The following MBD5 variants were observed in gnomAD, a reference collection of about 807,000 sequenced individuals.
MBD5 encodes the protein methyl-CpG binding domain protein 5.
MBD5 carries 13 observed loss-of-function variants against 117.3 expected under a neutral mutation model. The ratio of observed to expected loss-of-function variants is 0.11; its 90% confidence interval spans 0.07 to 0.18. The LOEUF (loss-of-function observed/expected upper bound fraction) is 0.18. Ranked by LOEUF, MBD5 falls within the 10% of genes least tolerant of loss-of-function variation. MBD5 has a pLI of 1.00. For synonymous variants in MBD5, 727 were observed against 766.4 expected (o/e 0.95, Z 0.85); for missense variants, 1,879 against 2,093.8 (o/e 0.90, Z 2.00).
intron 2 of MBD5, among the ~76,000 whole-genome samples, chr2:148,195,575 A>G (rs1698963091): frequency 6.6e-6 from 1 of 152,206 alleles, no homozygotes; most frequent in Non-Finnish European, 1.5e-5. Flanking sequence ...TTTGTAGAAC[A>G]TATGCCTAAT....
chr2:148,406,684 C>G (rs1399484391), intron 4 of MBD5, among the ~76,000 whole-genome samples: 1 of 152,226 alleles, frequency 6.6e-6, no homozygotes, highest in Non-Finnish European at 1.5e-5. Context: ...CCACTTTCCT[C>G]ATTACACTCA....
intron 4 of MBD5, among the ~76,000 whole-genome samples, chr2:148,357,186 T>A (rs1559037994): frequency 6.6e-6 from 1 of 152,206 alleles, no homozygotes; most frequent in Non-Finnish European, 1.5e-5. Context: ...TGTTTAAAAT[T>A]GACATTTTGT....
chr2:148,241,243 G>A (rs1411278294), intron 3 of MBD5, among the ~76,000 whole-genome samples: 2 of 152,030 alleles, frequency 1.3e-5, no homozygotes, highest in African/African-American at 4.8e-5. Flanking sequence ...TTTATCTAGT[G>A]AAGGCTTGGT....
intron 4 of MBD5, among the ~76,000 whole-genome samples, chr2:148,411,866 CT>C (rs1437958634): frequency 6.6e-6 from 1 of 152,002 alleles, no homozygotes; most frequent in Non-Finnish European, 1.5e-5. Context: ...ACATTTCTCA[CT>C]TTTTTGCTTT....
intron 4 of MBD5, among the ~76,000 whole-genome samples, chr2:148,351,021 T>G (rs1703235866): frequency 6.6e-6 from 1 of 152,030 alleles, no homozygotes; most frequent in South Asian, 2.1e-4. Context: ...CTAGCAAACC[T>G]TAACAGAAGA....
chr2:148,031,136 T>TA (rs1286977358), intron 1 of MBD5, among the ~76,000 whole-genome samples: 1 of 152,194 alleles, frequency 6.6e-6, no homozygotes, highest in Admixed American at 6.5e-5. Context: ...TTATTATATG[T>TA]TCACTCAAAA....
At chr2:148,290,149 T>A (rs1184595114) in intron 3 of MBD5, among the ~76,000 whole-genome samples, 1 of 146,760 alleles carries the variant, frequency 6.8e-6, no homozygotes, top group Non-Finnish European at 1.5e-5. Flanking sequence ...GTAGAGACAG[T>A]GTTTCACCAC....
At chr2:148,459,014 C>G (rs1706973276) in intron 5 of MBD5, 143 bp downstream of exon 5, 1 of 724,510 alleles carries the variant, frequency 1.4e-6, no homozygotes, top group Non-Finnish European at 2.5e-6. Flanking sequence ...TTTTTATTGC[C>G]TTAGATTTCC....
intron 3 of MBD5, among the ~76,000 whole-genome samples, chr2:148,338,949 G>A (rs995826930): frequency 1.3e-5 from 2 of 152,176 alleles, no homozygotes; most frequent in African/African-American, 4.8e-5. Flanking sequence ...TTGCCAATGG[G>A]CTGGATTCCG....
intron 5 of MBD5, among the ~76,000 whole-genome samples, chr2:148,459,599 G>A (rs1408422626): frequency 1.3e-5 from 2 of 152,234 alleles, no homozygotes; most frequent in South Asian, 4.1e-4. Flanking sequence ...TTCTTGTGAT[G>A]TAATGAAAAA....
intron 3 of MBD5, among the ~76,000 whole-genome samples, chr2:148,309,637 C>A (rs1312246526): frequency 6.6e-6 from 1 of 152,150 alleles, no homozygotes; most frequent in Admixed American, 6.6e-5. Flanking sequence ...CTCTTTATTT[C>A]TTTCTCTTGC....
At position 148,515,450 on chromosome 2, in the gene MBD5, A is replaced by C. The variant is rs149631862; in HGVS notation, c.*2509A>C. ...CTCTTAGAGTTATATGGTTTTGTGT[A>C]AGCAGTTAATGTAAATATTGTTAGC... On this transcript the variant is annotated 3_prime_UTR_variant, in exon 14 of 14. Coordinates refer to ENST00000642680, the MANE Select transcript of MBD5 (RefSeq NM_001378120.1). 1 of 152,238 alleles carries C rather than the reference A, an allele frequency of 6.6e-6. No individual in the cohort carries two copies. The highest frequency in any genetic ancestry group is 1.9e-4 in the East Asian group (1 of 5,186). 9.4% of individuals were successfully genotyped at this position (152,238 alleles called of 1,614,324 possible).
Position 148,100,477 on chromosome 2 carries a change from G to T in MBD5, c.-924-78223G>T, listed in dbSNP as rs528205862. On this transcript the variant is annotated intron_variant, in intron 1 of 13. Transcript: ENST00000642680. ...TAGCCATTTTATATACTCACAGATTGTGGGTCAGAAATTCAGACAGGGCAC... is the reference window on the plus strand; with the variant it reads ...TAGCCATTTTATATACTCACAGATTTTGGGTCAGAAATTCAGACAGGGCAC... 2.0e-5 allele frequency among the ~76,000 whole-genome samples: 3 copies of T among 152,178 alleles called. No individual in the cohort carries two copies. The East Asian group carries it at 5.8e-4, about 30-fold the overall frequency.
At chr2:148,162,960 C>G (rs1387716291) in intron 1 of MBD5, among the ~76,000 whole-genome samples, 1 of 152,124 alleles carries the variant, frequency 6.6e-6, no homozygotes, top group Non-Finnish European at 1.5e-5. Context: ...TAACAGCCAC[C>G]TTGATACTAA....
At chr2:148,383,786 G>C (rs1464046651) in intron 4 of MBD5, among the ~76,000 whole-genome samples, 2 of 152,082 alleles carry the variant, frequency 1.3e-5, no homozygotes, top group Non-Finnish European at 2.9e-5. Flanking sequence ...TTCATCCCTG[G>C]GATGCAAGGC....
intron 3 of MBD5, among the ~76,000 whole-genome samples, chr2:148,274,364 T>G (rs551172623): frequency 1.3e-5 from 2 of 152,072 alleles, no homozygotes; most frequent in African/African-American, 4.8e-5. Context: ...TTTCTCCTAA[T>G]GTTATCCCTC....
At chr2:148,159,115 C>T (rs1697944698) in intron 1 of MBD5, among the ~76,000 whole-genome samples, 1 of 152,180 alleles carries the variant, frequency 6.6e-6, no homozygotes, top group African/African-American at 2.4e-5. Flanking sequence ...GGGCCATTGA[C>T]TTTCTCTGGG....
chr2:148,455,508 T>A (rs1706854441), intron 4 of MBD5, among the ~76,000 whole-genome samples: 1 of 152,152 alleles, frequency 6.6e-6, no homozygotes, highest in South Asian at 2.1e-4. Context: ...AGATTGGGCC[T>A]GTGAATCTGC....
intron 1 of MBD5, among the ~76,000 whole-genome samples, chr2:148,097,403 T>C (rs1278786765): frequency 6.6e-6 from 1 of 152,118 alleles, no homozygotes; most frequent in African/African-American, 2.4e-5. Flanking sequence ...TAGCAACGAG[T>C]GTGCTAAGTA....
Sources: gnomAD v4.1 joint callset for allele counts (sites outside exome capture counted in the v4.1 genomes callset) on GRCh38, gnomAD v4.1.1 for gene constraint, MANE v1.5 for transcripts, NCBI Gene and HGNC (gene_info 2026-07-23, HGNC 2026-07-21) for gene names.